Variants in ETS1 observed in about 807,000 individuals in gnomAD.
ETS1 encodes the protein ETS proto-oncogene 1, transcription factor.
Under a neutral mutation model 58.6 loss-of-function variants are expected in ETS1, and 15 were observed. The ratio of observed to expected loss-of-function variants is 0.26; its 90% CI spans 0.17 to 0.39. The LOEUF (loss-of-function observed/expected upper bound fraction) is 0.39, where lower values mean the gene tolerates loss of function less well. Ranked by LOEUF, ETS1 falls within the 10% of genes least tolerant of loss-of-function variation. ETS1 has a pLI of 1.00. For synonymous variants in ETS1, 214 were observed against 218.2 expected, an observed-to-expected ratio of 0.98 and a Z score of 0.17; for missense variants, 417 against 610.5, an observed-to-expected ratio of 0.68 and a Z score of 3.34.
At position 128,486,111 on chromosome 11, in the gene ETS1, G is replaced by A. The variant is rs1197244694; in HGVS notation, c.571C>T (p.Pro191Ser). The A allele has an allele frequency of 1.2e-6, 2 of 1,611,568 alleles. No homozygotes were observed. The highest frequency in any genetic ancestry group is 3.3e-5 in the Admixed American group (2 of 59,992). ...VKPYQVNGVN[P>S]AYPESRYTSD... ...GTATAGCGGGATTCTGGATAGGCTG[G>A]GTTGACTCCATTAACTTGATATGGT... The change falls in exon 6 of 10, where the codon CCA (proline) becomes TCA (serine). Residue 191 changes from proline (P) to serine (S), a missense_variant. By Grantham distance (74) the Pro-to-Ser change is moderately conservative (BLOSUM62 -1). Transcript: ENST00000392668.
chr11:128,584,550 T>C (rs1033093490), intron 1 of ETS1, among the ~76,000 whole-genome samples: 1 of 152,196 alleles, frequency 6.6e-6, no homozygotes, highest in African/African-American at 2.4e-5. Context: ...TGTTGGAACA[T>C]ACCAAGTGCT....
intron 1 of ETS1, among the ~76,000 whole-genome samples, chr11:128,578,905 C>A (rs1864806897): frequency 6.6e-6 from 1 of 152,158 alleles, no homozygotes. Context: ...GTCCCCAATT[C>A]TTTGTCATTA....
chr11:128,586,897 G>A (rs1183160591), intron 1 of ETS1, among the ~76,000 whole-genome samples: 1 of 152,074 alleles, frequency 6.6e-6, no homozygotes, highest in African/African-American at 2.4e-5. Context: ...GACAACCGCG[G>A]CCCACACCCA....
At chr11:128,499,063 A>G (rs1411498884) in intron 3 of ETS1, among the ~76,000 whole-genome samples, 1 of 152,138 alleles carries the variant, frequency 6.6e-6, no homozygotes, top group African/African-American at 2.4e-5. Flanking sequence ...GGTTCTTCCC[A>G]CATCTTACAC....
At chr11:128,563,246 T>C (rs1864434760) in intron 2 of ETS1, among the ~76,000 whole-genome samples, 1 of 152,208 alleles carries the variant, frequency 6.6e-6, no homozygotes, top group African/African-American at 2.4e-5. Context: ...TAAGACACTA[T>C]ACATATTTCT....
intron 3 of ETS1, among the ~76,000 whole-genome samples, chr11:128,517,784 C>T (rs1214862023): frequency 6.6e-5 from 10 of 152,154 alleles, no homozygotes; most frequent in East Asian, 1.9e-4. Context: ...ACCTGGGCTC[C>T]GGGAGGTTGA....
chr11:128,461,120 A>G lies in ETS1; in HGVS notation c.*1241T>C, dbSNP rs1288455903. ...TCACTCACCAATCAGAAAGCCGTAC[A>G]CTTCTCTCTACTGAATAACAGAGTT... On this transcript the variant is annotated 3_prime_UTR_variant, in exon 10 of 10. Coordinates refer to ENST00000392668, the MANE Select transcript of ETS1 (RefSeq NM_001143820.2). 2.0e-5 allele frequency: 3 copies of G among 152,782 alleles called. No homozygotes were observed. Among genetic ancestry groups the G allele is most frequent in the Non-Finnish European group, 4.4e-5 (3 of 68,060 alleles). The allele number at this position is 152,782 out of a possible 1,614,324, so 9.5% of individuals were successfully genotyped here.
intron 3 of ETS1, among the ~76,000 whole-genome samples, chr11:128,527,996 C>A (rs561797118): frequency 1.3e-5 from 2 of 151,886 alleles, no homozygotes; most frequent in Admixed American, 1.3e-4. Flanking sequence ...AAGTGGAGCA[C>A]AAAAAGGAGA....
At chr11:128,566,678 G>C (rs936011123) in intron 2 of ETS1, among the ~76,000 whole-genome samples, 1 of 152,002 alleles carries the variant, frequency 6.6e-6, no homozygotes, top group African/African-American at 2.4e-5. Context: ...AGCTACTCAG[G>C]AGGCTGAGGC....
chr11:128,548,931 ACT>A (rs1387335548), intron 3 of ETS1, among the ~76,000 whole-genome samples: 4 of 151,506 alleles, frequency 2.6e-5, no homozygotes, highest in Non-Finnish European at 4.4e-5. Flanking sequence ...CCAAGTGTTT[ACT>A]CTCTGAAATA....
At chr11:128,472,798 T>C (rs1862221439) in intron 8 of ETS1, among the ~76,000 whole-genome samples, 1 of 152,178 alleles carries the variant, frequency 6.6e-6, no homozygotes, top group South Asian at 2.1e-4. Context: ...ATCTCCTCCT[T>C]CCAGACCTGC....
chr11:128,566,517 C>A (rs566968489), intron 2 of ETS1, among the ~76,000 whole-genome samples: 1 of 152,212 alleles, frequency 6.6e-6, no homozygotes, highest in African/African-American at 2.4e-5. Context: ...GGCGCAGTGG[C>A]TCACACCTGT....
chr11:128,580,004 T>C (rs1046803161), intron 1 of ETS1, among the ~76,000 whole-genome samples: 2 of 151,858 alleles, frequency 1.3e-5, no homozygotes, highest in African/African-American at 4.8e-5. Flanking sequence ...TCCTGAATGA[T>C]GAGTAACTTG....
intron 2 of ETS1, among the ~76,000 whole-genome samples, chr11:128,558,606 G>T (rs201975766): frequency 7.0e-6 from 1 of 142,764 alleles, no homozygotes; most frequent in African/African-American, 2.6e-5. Context: ...GATCGAGACC[G>T]TGCCACTGCA....
chr11:128,511,625 A>G (rs1863394864), intron 3 of ETS1, among the ~76,000 whole-genome samples: 1 of 152,256 alleles, frequency 6.6e-6, no homozygotes, highest in African/African-American at 2.4e-5. Context: ...TTATAGATGC[A>G]TAAAATATGT....
chr11:128,514,884 A>G (rs992064935), intron 3 of ETS1, among the ~76,000 whole-genome samples: 1 of 152,200 alleles, frequency 6.6e-6, no homozygotes, highest in African/African-American at 2.4e-5. Flanking sequence ...TCTATGTAAT[A>G]TCACTTAAAT....
chr11:128,476,786 G>T (rs1466961557), intron 8 of ETS1, among the ~76,000 whole-genome samples: 1 of 152,248 alleles, frequency 6.6e-6, no homozygotes, highest in Non-Finnish European at 1.5e-5. Context: ...GGAGCTTTCT[G>T]ATGGTATCAG....
chr11:128,474,124 T>A lies in ETS1; in HGVS notation c.1123+6067A>T, dbSNP rs1053099088. Among the ~76,000 whole-genome samples, 5 of 152,210 alleles carry A rather than the reference T, an allele frequency of 3.3e-5. No homozygotes were observed. In the East Asian group the frequency reaches 9.6e-4, roughly 29 times the overall value. On this transcript the variant is annotated intron_variant, in intron 8 of 9. Coordinates refer to ENST00000392668, the MANE Select transcript of ETS1 (RefSeq NM_001143820.2). ...GAGACTCTTCCTCTAAAACAGGCAG[T>A]GGGCTATACCCAGAATAGAGGGGTC... is the stretch of plus-strand genomic sequence containing the variant.
chr11:128,496,405 G>A (rs543940076), intron 3 of ETS1, among the ~76,000 whole-genome samples: 5 of 152,150 alleles, frequency 3.3e-5, no homozygotes, highest in Non-Finnish European at 7.4e-5. Context: ...TAACTAAAGT[G>A]TACAAAACAA....
Sources: gnomAD v4.1 joint callset for allele counts (sites outside exome capture counted in the v4.1 genomes callset) on GRCh38, gnomAD v4.1.1 for gene constraint, MANE v1.5 for transcripts, NCBI Gene and HGNC (gene_info 2026-07-23, HGNC 2026-07-21) for gene names.